Variants in MAP3K4 observed in about 807,000 individuals in gnomAD.
The protein encoded by MAP3K4 is MAP three kinase 1.
In MAP3K4, 67 loss-of-function variants were observed where a neutral mutation model predicts 185.6. The ratio of observed to expected loss-of-function variants is 0.36; its 90% CI spans 0.30 to 0.44. The LOEUF is 0.44. Ranked by LOEUF, MAP3K4 falls within the 20% of genes least tolerant of loss-of-function variation. MAP3K4 has a pLI of 1.00. For synonymous variants in MAP3K4, 702 were observed against 710.4 expected, an observed-to-expected ratio of 0.99 and a Z score of 0.19; for missense variants, 1,551 against 1,995.1, an observed-to-expected ratio of 0.78 and a Z score of 4.24.
Position 161,073,530 on chromosome 6 carries a change from T to C in MAP3K4, c.2015T>C (p.Met672Thr). The change falls in exon 5 of 27, where the codon ATG becomes ACG. Residue 672 changes from methionine to threonine, a missense_variant. This residue lies in a region of MAP3K4 where 130 missense variants were observed against 171.3 expected (regional missense o/e 0.76). Coordinates refer to ENST00000392142, the MANE Select transcript of MAP3K4 (RefSeq NM_005922.4). This position sits in a 1 kb window ranked among gnomAD's most constrained non-coding sequence, Gnocchi z 4.2. ...CTGATGAAGCAGTACTACCAGTTCA[T>C]GCTGCAGGAGGTTCTGGAGGACTTG... ...GLLMKQYYQF[M>T]LQEVLEDLEK... 1 of 1,614,066 alleles carries C rather than the reference T, an allele frequency of 6.2e-7. No homozygotes were observed. The highest frequency in any genetic ancestry group is 1.1e-5 in the South Asian group (1 of 91,068).
At chr6:161,040,026 A>G (rs1199322220) in intron 2 of MAP3K4, among the ~76,000 whole-genome samples, 2 of 152,140 alleles carry the variant, frequency 1.3e-5, no homozygotes, top group Non-Finnish European at 2.9e-5. Context: ...GCTGTATTGA[A>G]TGGTATGTGT....
chr6:161,065,368 T>C (rs1784659768), intron 3 of MAP3K4, among the ~76,000 whole-genome samples: 1 of 152,204 alleles, frequency 6.6e-6, no homozygotes, highest in East Asian at 1.9e-4. Context: ...TGCTGTGCTC[T>C]TCACTGGAAT....
rs1013823561 is a variant in MAP3K4, at chr6:161,087,747, G to A, written c.2616G>A (p.Glu872=). 6.2e-7 allele frequency: 1 copy of A among 1,613,990 alleles called. No homozygotes were observed. Among genetic ancestry groups the A allele is most frequent in the African/African-American group, 1.3e-5 (1 of 75,052 alleles). The change falls in exon 10 of 27, where the codon GAG becomes GAA. Residue 872 remains glutamate, a synonymous_variant. Transcript: ENST00000392142. This position sits in a 1 kb window ranked among gnomAD's most constrained non-coding sequence, Gnocchi z 4.9. ...TTGTTCCAGACACTCTTGCTGAGGA[G>A]AAGAGTATTATTTTGCAGTTACTCA... ...QMFVPDTLAE[E]KSIILQLLNA... is the part of the protein sequence containing the mutation.
intron 1 of MAP3K4, among the ~76,000 whole-genome samples, chr6:161,003,477 T>C (rs1475996331): frequency 6.6e-6 from 1 of 152,168 alleles, no homozygotes; most frequent in Non-Finnish European, 1.5e-5. Flanking sequence ...TGATTAGAGT[T>C]CTAGAAATCC....
Position 161,021,709 on chromosome 6 carries a change from A to G in MAP3K4, c.153-12550A>G, listed in dbSNP as rs542373802. Among the ~76,000 whole-genome samples the G allele has an allele frequency of 2.0e-5, 3 of 152,320 alleles. No homozygotes were observed. In the East Asian group the frequency reaches 5.8e-4, roughly 29 times the overall value. ...GTGCTAACTCTCCAGTTCTCTGTAG[A>G]TTGAAAGCTCCATGAGGGCAGGAAC... On this transcript the variant is annotated intron_variant, in intron 1 of 26. Coordinates refer to ENST00000392142, the MANE Select transcript of MAP3K4 (RefSeq NM_005922.4).
rs900502940 is a variant in MAP3K4, at chr6:161,077,675, AG to A, written c.2098-3204del. The stretch of plus-strand genomic sequence containing the variant: ...TTCAGAAAGAAGTATAAGGATTCAA[AG>A]GAAACGTAGGCAGTGAAATGGCAGG... On this transcript the variant is annotated intron_variant, in intron 5 of 26. Transcript: ENST00000392142. The surrounding 1 kb of genome is among the most constrained non-coding windows in gnomAD (Gnocchi z 4.3). Among the ~76,000 whole-genome samples, 1 of 152,210 alleles carries A rather than the reference AG, an allele frequency of 6.6e-6. No individual in the cohort carries two copies. The highest frequency in any genetic ancestry group is 2.4e-5 in the African/African-American group (1 of 41,450).
In MAP3K4 at chr6:161,049,270, A is replaced by G. The variant is rs113716362; in HGVS notation, c.998A>G (p.Lys333Arg). The change falls in exon 3 of 27, where the codon AAG becomes AGG. Residue 333 changes from lysine to arginine, a missense_variant. Lys to Arg is a conservative substitution (Grantham distance 26, BLOSUM62 2). Around this residue, in one of 16 missense-constraint regions of MAP3K4, gnomAD observed 93 missense variants for 96.7 expected, o/e 0.96. Transcript: ENST00000392142. This position sits in a 1 kb window ranked among gnomAD's most constrained non-coding sequence, Gnocchi z 8.4. Reference protein sequence around the residue: ...EGQCKATPGTKIVGYSTHHEH... With the variant: ...EGQCKATPGTRIVGYSTHHEH... The stretch of plus-strand genomic sequence containing the variant: ...CAGTGCAAAGCCACTCCTGGAACAA[A>G]GATTGTAGGTTACTCAACACATCAT... 6.2e-5 allele frequency: 100 copies of G among 1,614,168 alleles called. 1 individual carries two copies. The African/African-American group carries it at 8.4e-4, about 14-fold the overall frequency.
chr6:161,003,802 T>C (rs1027551975), intron 1 of MAP3K4, among the ~76,000 whole-genome samples: 1 of 152,188 alleles, frequency 6.6e-6, no homozygotes, highest in African/African-American at 2.4e-5. Context: ...GTTGTTTCTT[T>C]GTTGTACAAG....
In MAP3K4 at chr6:161,081,183, G is replaced by A. The variant is rs1785437487; in HGVS notation, c.2255+145G>A. 5 of 864,062 alleles carry A rather than the reference G, an allele frequency of 5.8e-6. No individual in the cohort carries two copies. In the South Asian group the frequency reaches 7.5e-5, roughly 13 times the overall value. 53.5% of individuals were successfully genotyped at this position (864,062 alleles called of 1,614,324 possible). A position where few individuals can be genotyped will look rare whatever the true frequency, so the allele number is the denominator to read the frequency against. Reference sequence around the variant, plus strand: ...ATCTCATATGTGCACCCTCTTCCAAGTTTTGAGTGGTGTTTCTCAGTCAGG... The same window carrying A: ...ATCTCATATGTGCACCCTCTTCCAAATTTTGAGTGGTGTTTCTCAGTCAGG... On this transcript the variant is annotated intron_variant, in intron 6 of 26. Coordinates refer to ENST00000392142, the MANE Select transcript of MAP3K4 (RefSeq NM_005922.4).
At position 161,076,238 on chromosome 6, in the gene MAP3K4, C is replaced by T. The variant is rs970053571; in HGVS notation, c.2097+2626C>T. On this transcript the variant is annotated intron_variant, in intron 5 of 26. Transcript: ENST00000392142. The surrounding 1 kb of genome is among the most constrained non-coding windows in gnomAD (Gnocchi z 4.2). Reference sequence around the variant, plus strand: ...TATCTAGGGGTGTGACAGCCATGACCGAAGCTGAGCCTGTCTCTCCAGGGA... The same window carrying T: ...TATCTAGGGGTGTGACAGCCATGACTGAAGCTGAGCCTGTCTCTCCAGGGA... 2.0e-5 allele frequency among the ~76,000 whole-genome samples: 3 copies of T among 152,226 alleles called. No individual in the cohort carries two copies. Among genetic ancestry groups the T allele is most frequent in the African/African-American group, 7.2e-5 (3 of 41,554 alleles).
At chr6:161,009,156 T>C (rs1212037794) in intron 1 of MAP3K4, among the ~76,000 whole-genome samples, 2 of 152,068 alleles carry the variant, frequency 1.3e-5, no homozygotes, top group South Asian at 2.1e-4. Flanking sequence ...AGCTAATTTG[T>C]GTATTTTTAG....
rs926759609 is a variant in MAP3K4, at chr6:161,080,305, C to T, written c.2098-576C>T. Among the ~76,000 whole-genome samples, 1 of 152,098 alleles carries T rather than the reference C, an allele frequency of 6.6e-6. No homozygotes were observed. The highest frequency in any genetic ancestry group is 2.4e-5 in the African/African-American group (1 of 41,420). Reference sequence around the variant, plus strand: ...ATAAATCTAAAGGAGGATTTAAGAACGGGAAAGCTGTTGTAATAGGACTTG... The same window carrying T: ...ATAAATCTAAAGGAGGATTTAAGAATGGGAAAGCTGTTGTAATAGGACTTG... On this transcript the variant is annotated intron_variant, in intron 5 of 26. Coordinates refer to ENST00000392142, the MANE Select transcript of MAP3K4 (RefSeq NM_005922.4). This position sits in a 1 kb window ranked among gnomAD's most constrained non-coding sequence, Gnocchi z 4.8.
intron 5 of MAP3K4, among the ~76,000 whole-genome samples, chr6:161,078,572 GC>G (rs996393390): frequency 6.6e-6 from 1 of 152,162 alleles, no homozygotes; most frequent in African/African-American, 2.4e-5. Flanking sequence ...AGGAGAGGGG[GC>G]TTTATTATCA....
chr6:161,115,906 A>T lies in MAP3K4; in HGVS notation c.4806+604A>T, dbSNP rs988104405. Among the ~76,000 whole-genome samples, 3 of 152,192 alleles carry T rather than the reference A, an allele frequency of 2.0e-5. No homozygotes were observed. The highest frequency in any genetic ancestry group is 2.0e-4 in the Admixed American group (3 of 15,284). ...GCAGGAAGATAAGGCTAGAACAGTAACCAGGAGCAACATGAAGGAGTTTCC... is the reference window on the plus strand; with the variant it reads ...GCAGGAAGATAAGGCTAGAACAGTATCCAGGAGCAACATGAAGGAGTTTCC... On this transcript the variant is annotated intron_variant, in intron 26 of 26. Transcript: ENST00000392142. The surrounding 1 kb of genome is among the most constrained non-coding windows in gnomAD (Gnocchi z 6.0).
At chr6:161,029,887 T>C (rs1782841499) in intron 1 of MAP3K4, among the ~76,000 whole-genome samples, 1 of 152,196 alleles carries the variant, frequency 6.6e-6, no homozygotes, top group Admixed American at 6.5e-5. Flanking sequence ...AATAAAACTT[T>C]GCTTGATTTC....
At position 161,115,099 on chromosome 6, in the gene MAP3K4, A is replaced by AT; in HGVS notation, c.4627-18dup. Reference sequence around the variant, plus strand: ...TGTGGCTGTGTAATATTAAAATCTGATTTTTTAAAAACATCTTTTTTAGAG... The same window carrying AT: ...TGTGGCTGTGTAATATTAAAATCTGATTTTTTTAAAAACATCTTTTTTAGAG... On this transcript the variant is annotated intron_variant, in intron 25 of 26. Transcript: ENST00000392142. This position sits in a 1 kb window ranked among gnomAD's most constrained non-coding sequence, Gnocchi z 6.0. 5.7e-6 allele frequency: 9 copies of AT among 1,588,672 alleles called. No homozygotes were observed. Among genetic ancestry groups the AT allele is most frequent in the Non-Finnish European group, 7.7e-6 (9 of 1,163,772 alleles).
At chr6:161,026,138 C>CT (rs1028542788) in intron 1 of MAP3K4, among the ~76,000 whole-genome samples, 15 of 147,762 alleles carry the variant, frequency 1.0e-4, no homozygotes, top group East Asian at 3.9e-4. Flanking sequence ...GAAGGCTTTG[C>CT]TTTTTTTTTT....
intron 2 of MAP3K4, among the ~76,000 whole-genome samples, chr6:161,044,685 G>A (rs1385435237): frequency 6.6e-6 from 1 of 152,190 alleles, no homozygotes; most frequent in African/African-American, 2.4e-5. Context: ...TTGAGACTGG[G>A]TAATGTGTAA....
At chr6:161,089,241 T>A in intron 10 of MAP3K4, 81 bp from the exon 11 acceptor site, 1 of 1,459,390 alleles carries the variant, frequency 6.9e-7, no homozygotes. Flanking sequence ...AGATTGGCAT[T>A]GTTTTTGGAC....
Sources: allele counts gnomAD v4.1 joint callset (sites outside exome capture counted in the v4.1 genomes callset), GRCh38; gene constraint gnomAD v4.1.1; regional missense constraint gnomAD v4.1.1; non-coding constraint Gnocchi (gnomAD v3.1); transcripts MANE v1.5; gene names NCBI Gene and HGNC (gene_info 2026-07-23, HGNC 2026-07-21).